The following ALOX5 variants were observed in gnomAD, a reference collection of about 807,000 sequenced individuals.
ALOX5 encodes the protein polyunsaturated fatty acid 5-lipoxygenase.
ALOX5 carries 64 observed loss-of-function variants against 87.9 expected under a neutral mutation model. That is an observed-to-expected ratio of 0.73 (90% CI 0.60 to 0.90). The LOEUF is 0.90. Ranked by LOEUF, ALOX5 falls within the 40% of genes least tolerant of loss-of-function variation. The pLI is 0.00. For missense variants in ALOX5, 822 were observed against 907.5 expected (o/e 0.91, Z 1.21); for synonymous variants, 388 against 355.1 (o/e 1.09, Z -1.04).
chr10:45,406,354 A>G (rs1840883736), intron 3 of ALOX5, among the ~76,000 whole-genome samples: 1 of 152,196 alleles, frequency 6.6e-6, no homozygotes. Flanking sequence ...CCCCAGCACC[A>G]GCTTTTGGTT....
At chr10:45,437,648 A>G (rs1481050307) in intron 7 of ALOX5, among the ~76,000 whole-genome samples, 4 of 152,142 alleles carry the variant, frequency 2.6e-5, no homozygotes, top group Admixed American at 1.3e-4. Flanking sequence ...CCCCTTCCTT[A>G]TTTGGAAATG....
intron 2 of ALOX5, among the ~76,000 whole-genome samples, chr10:45,393,302 C>T (rs2132710111): frequency 6.6e-6 from 1 of 152,284 alleles, no homozygotes; most frequent in Middle Eastern, 3.4e-3. Flanking sequence ...GTTCAACATA[C>T]ACAAATCAAT....
intron 7 of ALOX5, 33 bp downstream of exon 7, chr10:45,428,797 G>A: frequency 2.5e-6 from 4 of 1,612,106 alleles, no homozygotes; most frequent in Non-Finnish European, 1.7e-6. Flanking sequence ...TTTCTGAGCA[G>A]CTCAGTCCTC....
intron 6 of ALOX5, among the ~76,000 whole-genome samples, chr10:45,427,912 A>G (rs1047200108): frequency 1.1e-4 from 16 of 152,026 alleles, no homozygotes; most frequent in Non-Finnish European, 1.8e-4. Flanking sequence ...ATTTACACCA[A>G]TGACCCGCCG....
chr10:45,419,636 C>A (rs1430527155), intron 4 of ALOX5, among the ~76,000 whole-genome samples: 2 of 152,334 alleles, frequency 1.3e-5, no homozygotes, highest in African/African-American at 4.8e-5. Flanking sequence ...TCCCAGTGTT[C>A]GGGGATTCCC....
At chr10:45,374,551 G>GC in intron 1 of ALOX5, 122 bp downstream of exon 1, 2 of 993,994 alleles carry the variant, frequency 2.0e-6, no homozygotes, top group Non-Finnish European at 1.4e-6. Flanking sequence ...AGGACTGGGG[G>GC]TGTCCAGGAC....
intron 2 of ALOX5, among the ~76,000 whole-genome samples, chr10:45,384,080 T>C (rs1055411686): frequency 1.3e-5 from 2 of 152,110 alleles, no homozygotes; most frequent in Admixed American, 6.5e-5. Flanking sequence ...AGAGGGACCA[T>C]GCAGAGTGCG....
At chr10:45,438,607 G>A (rs1842129134) in intron 7 of ALOX5, among the ~76,000 whole-genome samples, 1 of 152,178 alleles carries the variant, frequency 6.6e-6, no homozygotes, top group Non-Finnish European at 1.5e-5. Flanking sequence ...AGGCAGCCCA[G>A]CATTCTAGGG....
chr10:45,398,477 C>A (rs1280978229), intron 3 of ALOX5, among the ~76,000 whole-genome samples: 1 of 151,918 alleles, frequency 6.6e-6, no homozygotes, highest in Non-Finnish European at 1.5e-5. Flanking sequence ...GCATCAGCAA[C>A]AAAAGAAAAA....
intron 3 of ALOX5, among the ~76,000 whole-genome samples, chr10:45,410,449 G>A (rs1841028853): frequency 6.6e-6 from 1 of 152,168 alleles, no homozygotes; most frequent in African/African-American, 2.4e-5. Context: ...AGAAATGTAA[G>A]GTGCCACATA....
At chr10:45,392,065 C>A (rs1244107724) in intron 2 of ALOX5, among the ~76,000 whole-genome samples, 1 of 151,718 alleles carries the variant, frequency 6.6e-6, no homozygotes, top group African/African-American at 2.4e-5. Context: ...CGGCCAGCCG[C>A]CCCGTCCGAG....
Position 45,418,427 on chromosome 10 carries a change from A to C in ALOX5, c.555-5614A>C, listed in dbSNP as rs1040858101. On this transcript the variant is annotated intron_variant, in intron 4 of 13. Transcript: ENST00000374391. ...GATCGCACACATCAGCCCCTCAGGG[A>C]AGTTTCTCCCTAAAGACAGCCTTTG... 2.6e-5 allele frequency among the ~76,000 whole-genome samples: 4 copies of C among 152,080 alleles called. No homozygotes were observed. The East Asian group carries it at 7.8e-4, about 29-fold the overall frequency.
chr10:45,399,871 A>G, intron 3 of ALOX5, among the ~76,000 whole-genome samples: 1 of 152,232 alleles, frequency 6.6e-6, no homozygotes, highest in East Asian at 1.9e-4. Flanking sequence ...AAATTTGTGA[A>G]TCTCCAATAA....
chr10:45,391,153 G>A (rs1840229051), intron 2 of ALOX5, among the ~76,000 whole-genome samples: 1 of 150,162 alleles, frequency 6.7e-6, no homozygotes, highest in African/African-American at 2.5e-5. Context: ...GCCAAAGCTG[G>A]ACTGTACTGC....
intron 4 of ALOX5, among the ~76,000 whole-genome samples, chr10:45,416,191 G>A (rs1482981136): frequency 6.6e-6 from 1 of 152,158 alleles, no homozygotes; most frequent in Non-Finnish European, 1.5e-5. Context: ...GCCATCCTGG[G>A]AGGTAAATAA....
At position 45,424,148 on chromosome 10, in the gene ALOX5, G is replaced by C; in HGVS notation, c.661+1G>C. 1 of 1,612,064 alleles carries C rather than the reference G, an allele frequency of 6.2e-7. No individual in the cohort carries two copies. Among genetic ancestry groups the C allele is most frequent in the Middle Eastern group, 1.7e-4 (1 of 6,058 alleles). On this transcript the variant is annotated splice_donor_variant, in intron 5 of 13. Transcript: ENST00000374391. LOFTEE classifies it high-confidence loss of function. ...GTCAAGATCAGCAACACTATTTCTG[G>C]TGAGTGTGCCTCTGGGGGCCCAAGT...
chr10:45,426,555 C>A (rs2132811934), intron 6 of ALOX5, among the ~76,000 whole-genome samples: 1 of 152,344 alleles, frequency 6.6e-6, no homozygotes, highest in South Asian at 2.1e-4. Flanking sequence ...TTTTCCGGAT[C>A]ATGAATAGAG....
In ALOX5 at chr10:45,432,747, A is replaced by G. The variant is rs117312402; in HGVS notation, c.981+3983A>G. On this transcript the variant is annotated intron_variant, in intron 7 of 13. Coordinates refer to ENST00000374391, the MANE Select transcript of ALOX5 (RefSeq NM_000698.5). ...ACGAATTTAGAAAAACTAATTACGCAGACACTCAGAAGACTTTTAGAAGGA... is the reference window on the plus strand; with the variant it reads ...ACGAATTTAGAAAAACTAATTACGCGGACACTCAGAAGACTTTTAGAAGGA... Among the ~76,000 whole-genome samples the G allele has an allele frequency of 3.8e-3, 577 of 152,388 alleles. 12 individuals carry two copies. The East Asian group carries it at 0.053, about 14-fold the overall frequency.
intron 2 of ALOX5, among the ~76,000 whole-genome samples, chr10:45,392,714 A>C (rs1840332843): frequency 6.6e-6 from 1 of 151,542 alleles, no homozygotes; most frequent in Admixed American, 6.6e-5. Context: ...TTAAAAAAAA[A>C]GAAAAAAAAA....
Sources: gnomAD v4.1 joint callset for allele counts (sites outside exome capture counted in the v4.1 genomes callset) on GRCh38, gnomAD v4.1.1 for gene constraint, MANE v1.5 for transcripts, NCBI Gene and HGNC (gene_info 2026-07-23, HGNC 2026-07-21) for gene names.